The following POLA1 variants were observed in gnomAD, a reference collection of about 807,000 sequenced individuals.
POLA1 encodes the protein DNA polymerase alpha 1, catalytic subunit.
POLA1 carries 15 observed loss-of-function variants against 124.0 expected under a neutral mutation model. The ratio of observed to expected loss-of-function variants is 0.12; its 90% CI spans 0.08 to 0.19. The LOEUF (loss-of-function observed/expected upper bound fraction) is 0.19, where lower values mean the gene tolerates loss of function less well. Ranked by LOEUF, POLA1 falls within the 10% of genes least tolerant of loss-of-function variation. POLA1 has a pLI of 1.00. For missense variants in POLA1, 886 were observed against 1,103.4 expected, an observed-to-expected ratio of 0.80 and a Z score of 2.79; for synonymous variants, 408 against 389.4, an observed-to-expected ratio of 1.05 and a Z score of -0.56.
chrX:24,755,653 C>T (rs1932563269), intron 26 of POLA1, among the ~76,000 whole-genome samples: 1 of 111,677 alleles, frequency 9.0e-6, no homozygotes, highest in African/African-American at 3.3e-5. Flanking sequence ...TGTAGTCTTT[C>T]ATTATGCAGA....
intron 35 of POLA1, among the ~76,000 whole-genome samples, chrX:24,920,901 T>C (rs180865663): frequency 1.2e-3 from 134 of 112,469 alleles, no homozygotes; most frequent in African/African-American, 4.1e-3. Context: ...TCTTGCTCAA[T>C]CCTAGACCAG....
At chrX:24,863,265 C>CG (rs1041218685) in intron 34 of POLA1, among the ~76,000 whole-genome samples, 3 of 107,919 alleles carry the variant, frequency 2.8e-5, no homozygotes, top group African/African-American at 1.0e-4. Context: ...TATGCCCCCC[C>CG]CCATCTTCCA....
Position 24,976,474 on chromosome X carries a change from C to T in POLA1, c.4262-19331C>T, listed in dbSNP as rs150555358. 1.7e-3 allele frequency among the ~76,000 whole-genome samples: 196 copies of T among 112,167 alleles called. 5 individuals are homozygous for T. In the East Asian group the frequency reaches 0.049, roughly 28 times the overall value. ...TGGATAAAAATTTCCTTTAAAAGTT[C>T]TCATTCTCATAATTCACAATAAATT... On this transcript the variant is annotated intron_variant, in intron 36 of 36. Coordinates refer to ENST00000379068, the MANE Select transcript of POLA1 (RefSeq NM_001330360.2).
intron 34 of POLA1, among the ~76,000 whole-genome samples, chrX:24,856,669 A>T (rs920019212): frequency 1.8e-5 from 2 of 111,061 alleles, no homozygotes; most frequent in Admixed American, 1.9e-4. Context: ...TATTGTTGGT[A>T]TTTTTTATTT....
intron 26 of POLA1, among the ~76,000 whole-genome samples, chrX:24,749,843 T>C (rs764104847): frequency 1.8e-5 from 2 of 112,410 alleles, no homozygotes; most frequent in African/African-American, 6.5e-5. Context: ...ACTGTAAGCT[T>C]CAACTGTTTT....
intron 36 of POLA1, among the ~76,000 whole-genome samples, chrX:24,952,374 G>A (rs184722840): frequency 1.8e-3 from 204 of 111,968 alleles, no homozygotes; most frequent in Non-Finnish European, 3.2e-3. Flanking sequence ...AAAGAAGGCT[G>A]GTTGCATAGT....
chrX:24,948,030 T>A (rs1367811908), intron 36 of POLA1, among the ~76,000 whole-genome samples: 1 of 112,209 alleles, frequency 8.9e-6, no homozygotes, highest in African/African-American at 3.2e-5. Context: ...GTTGTTTTAT[T>A]TGTTCGAAAA....
chrX:24,864,858 A>G (rs2147103541), intron 34 of POLA1, among the ~76,000 whole-genome samples: 1 of 111,336 alleles, frequency 9.0e-6, no homozygotes, highest in African/African-American at 3.3e-5. Context: ...AAGGTTGTAG[A>G]CTTCTGGAGA....
chrX:24,866,557 T>G (rs1046136771), intron 34 of POLA1, among the ~76,000 whole-genome samples: 11 of 112,025 alleles, frequency 9.8e-5, no homozygotes, highest in Non-Finnish European at 1.5e-4. Flanking sequence ...AGATGGAAAA[T>G]GTATATGCTG....
intron 26 of POLA1, among the ~76,000 whole-genome samples, chrX:24,783,376 G>A (rs2045301527): frequency 9.0e-6 from 1 of 111,443 alleles, no homozygotes; most frequent in Non-Finnish European, 1.9e-5. Context: ...TTTTTTCACA[G>A]AGCCCTGTCA....
chrX:24,777,659 T>C (rs2148447446), intron 26 of POLA1, among the ~76,000 whole-genome samples: 1 of 112,363 alleles, frequency 8.9e-6, no homozygotes, highest in African/African-American at 3.2e-5. Flanking sequence ...TTTGGGGATC[T>C]TGGGAAGAAG....
chrX:24,912,577 A>T (rs1391945389), intron 35 of POLA1, among the ~76,000 whole-genome samples: 2 of 111,832 alleles, frequency 1.8e-5, no homozygotes, highest in African/African-American at 3.3e-5. Flanking sequence ...CACCATAGGA[A>T]ATATAAGGAT....
chrX:24,774,983 G>A (rs777576381), intron 26 of POLA1, among the ~76,000 whole-genome samples: 1 of 112,110 alleles, frequency 8.9e-6, no homozygotes, highest in Non-Finnish European at 1.9e-5. Flanking sequence ...TGACTAGTGG[G>A]ATTTTAAACA....
At chrX:24,745,575 G>C (rs1569293478) in intron 24 of POLA1, 33 bp downstream of exon 24, 1 of 1,047,563 alleles carries the variant, frequency 9.5e-7, no homozygotes, top group South Asian at 2.0e-5. Context: ...TTGAAATTGA[G>C]TTTAAAAAAA....
At chrX:24,858,497 A>G (rs1045688825) in intron 34 of POLA1, among the ~76,000 whole-genome samples, 2 of 112,141 alleles carry the variant, frequency 1.8e-5, no homozygotes, top group African/African-American at 6.5e-5. Flanking sequence ...CTTTCCATCT[A>G]TAGGAAGTGC....
rs1173636395 is a variant in POLA1, at chrX:24,841,775, G to A, written c.3860G>A (p.Cys1287Tyr). 8.3e-7 allele frequency: 1 copy of A among 1,199,863 alleles called. No homozygotes were observed. The highest frequency in any genetic ancestry group is 2.2e-5 in the Admixed American group (1 of 45,815). ...TACAGGGACTGTGAAAGATTCAAATGTCCATGCCCTACATGTGGAACTGAG... is the reference window on the plus strand; with the variant it reads ...TACAGGGACTGTGAAAGATTCAAATATCCATGCCCTACATGTGGAACTGAG... ...EKYRDCERFKCPCPTCGTENI... is the reference protein window; with the variant it reads ...EKYRDCERFKYPCPTCGTENI... The change falls in exon 33 of 37, where the codon TGT becomes TAT. Residue 1287 changes from cysteine (C) to tyrosine (Y), a missense_variant. Coordinates refer to ENST00000379068, the MANE Select transcript of POLA1 (RefSeq NM_001330360.2).
At chrX:24,771,689 A>C (rs1400831764) in intron 26 of POLA1, among the ~76,000 whole-genome samples, 1 of 111,934 alleles carries the variant, frequency 8.9e-6, no homozygotes, top group East Asian at 2.8e-4. Flanking sequence ...GGCAGTCACC[A>C]AGGATCATTA....
chrX:24,716,448 C>T lies in POLA1; in HGVS notation c.612C>T (p.Thr204=), dbSNP rs772941084. 6.4e-6 allele frequency: 7 copies of T among 1,093,971 alleles called. No individual in the cohort carries two copies. The highest frequency in any genetic ancestry group is 8.9e-6 in the Non-Finnish European group (7 of 788,694). The allele number at this position is 1,093,971 out of a possible 1,213,427, so 90.2% of individuals were successfully genotyped here. A position where few individuals can be genotyped will look rare whatever the true frequency, so the allele number is the denominator to read the frequency against. The change falls in exon 7 of 37, where the codon ACC becomes ACT. Residue 204 remains threonine, a synonymous_variant. Transcript: ENST00000379068. ...CACCGAATCCTTTCTCTGTGCACAC[C>T]GCCACGGTAAAGTGTGTAGAGATAC... The part of the protein sequence containing the change: ...GASPNPFSVH[T]ATAVPSGKIA...
At chrX:24,940,447 G>A (rs780404358) in intron 36 of POLA1, among the ~76,000 whole-genome samples, 38 of 111,501 alleles carry the variant, frequency 3.4e-4, no homozygotes, top group African/African-American at 1.2e-3. Context: ...AGGAGGAAAG[G>A]GCTTGTAATA....
Sources: allele counts gnomAD v4.1 joint callset (sites outside exome capture counted in the v4.1 genomes callset), GRCh38; gene constraint gnomAD v4.1.1; transcripts MANE v1.5; gene names NCBI Gene and HGNC (gene_info 2026-07-23, HGNC 2026-07-21).